ALK: variants seen among roughly 807,000 people sequenced by gnomAD.
ALK encodes the protein ALK tyrosine kinase receptor.
A neutral mutation model predicts 163.1 loss-of-function variants in ALK; 74 were observed. The observed-to-expected ratio is 0.45, with a 90% CI of 0.38 to 0.55. The LOEUF (loss-of-function observed/expected upper bound fraction) is 0.55. Ranked by LOEUF, ALK falls within the 20% of genes least tolerant of loss-of-function variation. The pLI, the probability that ALK is intolerant of heterozygous loss-of-function variation, is 0.00. For missense variants in ALK, 2,063 were observed against 2,105.3 expected (o/e 0.98, Z 0.39); for synonymous variants, 960 against 843.2 (o/e 1.14, Z -2.40).
chr2:29,766,270 T>C (rs963974522), intron 1 of ALK, among the ~76,000 whole-genome samples: 2 of 152,154 alleles, frequency 1.3e-5, no homozygotes, highest in African/African-American at 4.8e-5. Flanking sequence ...TATGGATCCT[T>C]TTGCACCACC....
At chr2:29,909,410 G>A (rs768403080) in intron 1 of ALK, among the ~76,000 whole-genome samples, 6 of 151,650 alleles carry the variant, frequency 4.0e-5, no homozygotes, top group South Asian at 2.1e-4. Flanking sequence ...GAAGCAGCTC[G>A]AATTTCCAGG....
At chr2:29,196,513 C>T (rs1181885266) in intron 28 of ALK, among the ~76,000 whole-genome samples, 3 of 152,252 alleles carry the variant, frequency 2.0e-5, no homozygotes, top group Non-Finnish European at 4.4e-5. Context: ...GATAAATTCT[C>T]GTGGACTGGA....
At chr2:29,455,487 C>T (rs1289175917) in intron 4 of ALK, among the ~76,000 whole-genome samples, 2 of 152,172 alleles carry the variant, frequency 1.3e-5, no homozygotes, top group African/African-American at 4.8e-5. Context: ...ATGCTAATTA[C>T]ATCAACCTCA....
intron 3 of ALK, among the ~76,000 whole-genome samples, chr2:29,591,342 C>T (rs999584558): frequency 2.0e-5 from 3 of 152,166 alleles, no homozygotes; most frequent in Non-Finnish European, 4.4e-5. Flanking sequence ...TTTAAAGCTG[C>T]TCTTGAATTT....
intron 6 of ALK, among the ~76,000 whole-genome samples, chr2:29,322,731 G>A (rs1198378045): frequency 3.9e-5 from 6 of 152,236 alleles, no homozygotes; most frequent in African/African-American, 1.4e-4. Flanking sequence ...CTACTCGGGA[G>A]GCTGAGGCAG....
intron 3 of ALK, among the ~76,000 whole-genome samples, chr2:29,671,961 A>C (rs939390698): frequency 3.3e-5 from 5 of 151,930 alleles, no homozygotes; most frequent in African/African-American, 1.2e-4. Flanking sequence ...AATGATACAA[A>C]AATGTATTCT....
At chr2:29,222,667 TG>T in intron 20 of ALK, 60 bp from the exon 21 acceptor site, 1 of 1,493,346 alleles carries the variant, frequency 6.7e-7, no homozygotes, top group South Asian at 1.2e-5. Flanking sequence ...ATGAGGCAGC[TG>T]GGGGTCCTGA....
At chr2:29,746,047 T>G (rs1349309596) in intron 1 of ALK, among the ~76,000 whole-genome samples, 1 of 152,226 alleles carries the variant, frequency 6.6e-6, no homozygotes, top group Non-Finnish European at 1.5e-5. Flanking sequence ...ATTATCTCAC[T>G]GTTCCTTACA....
chr2:29,706,697 C>T (rs1454681649), intron 2 of ALK, among the ~76,000 whole-genome samples: 9 of 152,186 alleles, frequency 5.9e-5, no homozygotes, highest in Non-Finnish European at 4.4e-5. Flanking sequence ...AAGCTGAATT[C>T]TTATTTCTCT....
At chr2:29,502,565 A>G (rs1029458551) in intron 4 of ALK, among the ~76,000 whole-genome samples, 1 of 152,120 alleles carries the variant, frequency 6.6e-6, no homozygotes, top group Non-Finnish European at 1.5e-5. Flanking sequence ...AAGCAGAACA[A>G]TGACTCAGGC....
In ALK at chr2:29,504,714, G is replaced by C. The variant is rs988242394; in HGVS notation, c.1154+27201C>G. Among the ~76,000 whole-genome samples, 4 of 152,148 alleles carry C rather than the reference G, an allele frequency of 2.6e-5. 1 individual carries two copies. The highest frequency in any genetic ancestry group is 9.7e-5 in the African/African-American group (4 of 41,428). ...AATGGAGAAATGAGAGAGACCTCGA[G>C]GCTCATCAGCAAGGCTGGACTTGAT... is the stretch of plus-strand genomic sequence containing the variant. On this transcript the variant is annotated intron_variant, in intron 4 of 28. Transcript: ENST00000389048.
At chr2:29,810,743 T>C (rs181425734) in intron 1 of ALK, among the ~76,000 whole-genome samples, 61 of 152,268 alleles carry the variant, frequency 4.0e-4, no homozygotes, top group African/African-American at 1.4e-3. Flanking sequence ...AATATATACA[T>C]TATGGATTGA....
chr2:29,219,339 A>G (rs1669723061), intron 23 of ALK, among the ~76,000 whole-genome samples: 1 of 152,174 alleles, frequency 6.6e-6, no homozygotes, highest in South Asian at 2.1e-4. Context: ...CCAGTGGCTA[A>G]GGTGAAGGTA....
chr2:29,611,499 G>C (rs1675690157), intron 3 of ALK, among the ~76,000 whole-genome samples: 1 of 152,220 alleles, frequency 6.6e-6, no homozygotes, highest in South Asian at 2.1e-4. Flanking sequence ...TTTGTTTGCT[G>C]TTAACAGTTA....
chr2:29,776,199 G>A (rs1409218823), intron 1 of ALK, among the ~76,000 whole-genome samples: 3 of 140,800 alleles, frequency 2.1e-5, no homozygotes, highest in African/African-American at 5.6e-5. Context: ...CTGTAACTAC[G>A]CTAAGAAAAT....
intron 2 of ALK, among the ~76,000 whole-genome samples, chr2:29,695,522 A>G (rs1410031749): frequency 6.6e-6 from 1 of 152,246 alleles, no homozygotes; most frequent in Non-Finnish European, 1.5e-5. Flanking sequence ...CTGCCTAAGA[A>G]CATGTAATGT....
intron 1 of ALK, among the ~76,000 whole-genome samples, chr2:29,813,828 G>C (rs576272393): frequency 1.1e-3 from 163 of 152,186 alleles, no homozygotes; most frequent in Non-Finnish European, 1.4e-3. Flanking sequence ...CCCATAAGCA[G>C]CTTCCTGGGA....
At chr2:29,409,064 A>G (rs1669663596) in intron 4 of ALK, among the ~76,000 whole-genome samples, 1 of 152,184 alleles carries the variant, frequency 6.6e-6, no homozygotes, top group Admixed American at 6.5e-5. Context: ...CCTGGAGACA[A>G]TGGAGATGCC....
At chr2:29,473,516 A>G (rs1246433349) in intron 4 of ALK, among the ~76,000 whole-genome samples, 1 of 152,222 alleles carries the variant, frequency 6.6e-6, no homozygotes. Context: ...TGTCTGTAAT[A>G]TATAAAGAAG....
Sources: allele counts gnomAD v4.1 joint callset (sites outside exome capture counted in the v4.1 genomes callset), GRCh38; gene constraint gnomAD v4.1.1; transcripts MANE v1.5; gene names NCBI Gene and HGNC (gene_info 2026-07-23, HGNC 2026-07-21).